NHSL1: variants seen among roughly 807,000 people sequenced by gnomAD.
The protein encoded by NHSL1 is NHS like 1.
In NHSL1, 48 loss-of-function variants were observed where a neutral mutation model predicts 95.0. That is an observed-to-expected ratio of 0.51 (90% confidence interval 0.40 to 0.64). The LOEUF is 0.64. Among genes scored for constraint, NHSL1 ranks in the 30% least tolerant of loss-of-function variants. NHSL1 has a pLI of 0.00. For missense variants in NHSL1, 1,971 were observed against 2,077.7 expected, an observed-to-expected ratio of 0.95 and a Z score of 1.00; for synonymous variants, 783 against 833.9, an observed-to-expected ratio of 0.94 and a Z score of 1.05.
intron 4 of NHSL1, among the ~76,000 whole-genome samples, chr6:138,445,992 C>T (rs1776839087): frequency 6.6e-6 from 1 of 151,702 alleles, no homozygotes; most frequent in Admixed American, 6.6e-5. Context: ...CTAACCCATG[C>T]TCCTTGTGGG....
intron 5 of NHSL1, among the ~76,000 whole-genome samples, chr6:138,438,341 T>A (rs1259690442): frequency 1.3e-5 from 2 of 152,244 alleles, no homozygotes; most frequent in Admixed American, 1.3e-4. Context: ...TCAGGTATTT[T>A]TACACTGTAC....
At chr6:138,615,904 G>GATT (rs112188478) in intron 1 of NHSL1, among the ~76,000 whole-genome samples, 35,175 of 152,090 alleles carry the variant, frequency 0.23, 4,044 homozygotes, top group South Asian at 0.31. Flanking sequence ...TACTGACTTA[G>GATT]ATTACTACTC....
intron 3 of NHSL1, among the ~76,000 whole-genome samples, chr6:138,459,023 GTCTTGCT>G (rs1373561331): frequency 3.3e-5 from 5 of 152,084 alleles, no homozygotes; most frequent in Non-Finnish European, 7.4e-5. Flanking sequence ...TGAGAAAAGA[GTCTTGCT>G]CTGTCACCCA....
intron 2 of NHSL1, among the ~76,000 whole-genome samples, chr6:138,487,011 T>C (rs937534104): frequency 1.3e-5 from 2 of 151,696 alleles, no homozygotes; most frequent in African/African-American, 4.8e-5. Context: ...GTGTGAGAGG[T>C]TGTGGTTCAG....
intron 1 of NHSL1, 105 bp downstream of exon 1, chr6:138,499,128 C>G: frequency 1.4e-6 from 1 of 718,678 alleles, no homozygotes; most frequent in South Asian, 1.8e-5. Flanking sequence ...CTAAAACACA[C>G]ACATGGACAC....
At chr6:138,657,623 C>T (rs1416094802) in intron 1 of NHSL1, among the ~76,000 whole-genome samples, 1 of 151,770 alleles carries the variant, frequency 6.6e-6, no homozygotes, top group Non-Finnish European at 1.5e-5. Context: ...ACCATCCTGG[C>T]TAACACGGTG....
chr6:138,559,439 G>A (rs1459014059), intron 1 of NHSL1, among the ~76,000 whole-genome samples: 2 of 152,216 alleles, frequency 1.3e-5, no homozygotes, highest in African/African-American at 2.4e-5. Context: ...CCTGGACTAG[G>A]GGCGCAGAGG....
intron 1 of NHSL1, among the ~76,000 whole-genome samples, chr6:138,657,671 C>T (rs1054668624): frequency 1.2e-4 from 18 of 151,550 alleles, no homozygotes; most frequent in Admixed American, 5.2e-4. Flanking sequence ...AAAAATTAGC[C>T]GGGCTTGGTG....
intron 1 of NHSL1, among the ~76,000 whole-genome samples, chr6:138,604,845 C>T (rs1784413390): frequency 6.6e-6 from 1 of 152,050 alleles, no homozygotes; most frequent in South Asian, 2.1e-4. Flanking sequence ...AGGCTAGTCT[C>T]CAACTCCTGA....
chr6:138,565,312 G>A (rs950142226), intron 1 of NHSL1, among the ~76,000 whole-genome samples: 2 of 152,200 alleles, frequency 1.3e-5, no homozygotes. Flanking sequence ...TCACCATGTT[G>A]GCCAGGCTGG....
chr6:138,691,767 T>C (rs184663948), intron 1 of NHSL1: 1 of 376,534 alleles, frequency 2.7e-6, no homozygotes, highest in Non-Finnish European at 5.2e-6. Flanking sequence ...ACCGGAGAGA[T>C]CACTATATCA....
chr6:138,492,687 C>T (rs1392699899), intron 2 of NHSL1, among the ~76,000 whole-genome samples: 1 of 152,134 alleles, frequency 6.6e-6, no homozygotes, highest in Non-Finnish European at 1.5e-5. Context: ...CTCGCTGTGT[C>T]GTTTCCCTTC....
rs373160331 is a variant in NHSL1, at chr6:138,672,041, AGGAGCGTAATGTTT to A, written c.96+20421_96+20434del. Among the ~76,000 whole-genome samples the A allele has an allele frequency of 7.4e-4, 113 of 152,316 alleles. 2 individuals carry two copies. The highest frequency in any genetic ancestry group is 2.6e-3 in the African/African-American group (109 of 41,570). On this transcript the variant is annotated intron_variant, in intron 1 of 3. Transcript: ENST00000491526. ...AACTAAAAAACCACAAAAGAGCAAA[AGGAGCGTAATGTTT>A]GGAGATACAGAGGAAAATTTCTTTA...
chr6:138,484,943 A>C (rs1484817919), intron 2 of NHSL1, among the ~76,000 whole-genome samples: 1 of 152,230 alleles, frequency 6.6e-6, no homozygotes, highest in Non-Finnish European at 1.5e-5. Flanking sequence ...TAATTTAAGA[A>C]GCCTTGAAGA....
chr6:138,568,788 A>G (rs1240019136), intron 1 of NHSL1, among the ~76,000 whole-genome samples: 1 of 152,226 alleles, frequency 6.6e-6, no homozygotes, highest in Non-Finnish European at 1.5e-5. Context: ...GTATAAAAAG[A>G]TTCTCAAAAG....
intron 1 of NHSL1, among the ~76,000 whole-genome samples, chr6:138,580,148 A>G (rs1583432021): frequency 6.6e-6 from 1 of 152,244 alleles, no homozygotes; most frequent in East Asian, 1.9e-4. Context: ...TATTGCAGCT[A>G]GGCATCAGTA....
chr6:138,441,004 C>G (rs1047384636), intron 5 of NHSL1, among the ~76,000 whole-genome samples: 2 of 152,150 alleles, frequency 1.3e-5, no homozygotes, highest in African/African-American at 4.8e-5. Context: ...TAATAATGAC[C>G]ACAGTAGCTA....
In NHSL1 at chr6:138,430,914, C is replaced by T; in HGVS notation, c.3431G>A (p.Ser1144Asn). The change falls in exon 6 of 8, where the codon AGC becomes AAC. Residue 1144 changes from serine to asparagine, a missense_variant. Around this residue, in one of 3 missense-constraint regions of NHSL1, gnomAD observed 1,602 missense variants for 1,654.5 expected, o/e 0.97. Transcript: ENST00000343505. The surrounding 1 kb of genome is among the most constrained non-coding windows in gnomAD (Gnocchi z 4.7). ...VTSSLPTPAK[S>N]SSQGDHGSAA... ...ACTGCCATGGTCACCCTGACTCGAGCTCTTGGCAGGCGTCGGAAGCGAGCT... is the reference window on the plus strand; with the variant it reads ...ACTGCCATGGTCACCCTGACTCGAGTTCTTGGCAGGCGTCGGAAGCGAGCT... 1 of 1,551,564 alleles carries T rather than the reference C, an allele frequency of 6.4e-7. No homozygotes were observed. Among genetic ancestry groups the T allele is most frequent in the Non-Finnish European group, 8.7e-7 (1 of 1,146,846 alleles).
In NHSL1 at chr6:138,692,210, G is replaced by A. The variant is rs554572501; in HGVS notation, c.96+266C>T. The A allele has an allele frequency of 3.5e-5, 16 of 456,664 alleles. No homozygotes were observed. Among genetic ancestry groups the A allele is most frequent in the South Asian group, 2.3e-4 (15 of 64,558 alleles). The allele number at this position is 456,664 out of a possible 1,614,324, so 28.3% of individuals were successfully genotyped here. A position where few individuals can be genotyped will look rare whatever the true frequency, so the allele number is the denominator to read the frequency against. ...CAGACACAGACAGACAGAAGGAGCA[G>A]ACAAGGGGACTGTCCAATTCCCACC... is the stretch of plus-strand genomic sequence containing the variant. On this transcript the variant is annotated intron_variant, in intron 1 of 3. Transcript: ENST00000491526. This position sits in a 1 kb window ranked among gnomAD's most constrained non-coding sequence, Gnocchi z 4.0.
Sources: gnomAD v4.1 joint callset for allele counts (sites outside exome capture counted in the v4.1 genomes callset) on GRCh38, gnomAD v4.1.1 for gene constraint, gnomAD v4.1.1 regional missense constraint, Gnocchi (gnomAD v3.1) non-coding constraint, MANE v1.5 for transcripts, NCBI Gene and HGNC (gene_info 2026-07-23, HGNC 2026-07-21) for gene names.